MYH9: variants seen among roughly 807,000 people sequenced by gnomAD.
The protein encoded by MYH9 is myosin heavy chain 9, also known as myosin-9.
Under a neutral mutation model 241.9 loss-of-function variants are expected in MYH9, and 29 were observed. The observed-to-expected ratio is 0.12, with a 90% CI of 0.09 to 0.16. MYH9 has a LOEUF of 0.16. Ranked by LOEUF, MYH9 falls within the 10% of genes least tolerant of loss-of-function variation. The pLI, the probability that MYH9 is intolerant of heterozygous loss-of-function variation, is 1.00. For missense variants in MYH9, 1,803 were observed against 2,595.5 expected (o/e 0.69, Z 6.63); for synonymous variants, 1,047 against 1,062.6 (o/e 0.99, Z 0.29).
In MYH9 at chr22:36,352,354, G is replaced by A. The variant is rs145409763; in HGVS notation, c.-19-3099C>T. 5.8e-4 allele frequency among the ~76,000 whole-genome samples: 89 copies of A among 152,314 alleles called. No homozygotes were observed. The East Asian group carries it at 9.3e-3, about 16-fold the overall frequency. ...AACTCAAGATTTACTCCCTCGGCCCGCTACTGTCGGCGCAAGCTTGCAGCC... is the reference window on the plus strand; with the variant it reads ...AACTCAAGATTTACTCCCTCGGCCCACTACTGTCGGCGCAAGCTTGCAGCC... On this transcript the variant is annotated intron_variant, in intron 1 of 40. Transcript: ENST00000216181.
At position 36,300,271 on chromosome 22, in the gene MYH9, G is replaced by C; in HGVS notation, c.2839-7C>G. ...CCAGCTGCTCCTCAAGCTCCTGCCG[G>C]GGGCCAGAGACACGGTAAGGACAGC... On this transcript the variant is annotated splice_polypyrimidine_tract_variant and splice_region_variant and intron_variant, in intron 22 of 40. Transcript: ENST00000216181. This position sits in a 1 kb window ranked among gnomAD's most constrained non-coding sequence, Gnocchi z 5.0. 6.2e-7 allele frequency: 1 copy of C among 1,612,472 alleles called. No individual in the cohort carries two copies. Among genetic ancestry groups the C allele is most frequent in the Non-Finnish European group, 8.5e-7 (1 of 1,180,046 alleles).
rs76895041 is a variant in MYH9, at chr22:36,320,502, G to A, written c.869-139C>T. On this transcript the variant is annotated intron_variant, in intron 8 of 40. Coordinates refer to ENST00000216181, the MANE Select transcript of MYH9 (RefSeq NM_002473.6). The surrounding 1 kb of genome is among the most constrained non-coding windows in gnomAD (Gnocchi z 4.8). Reference sequence around the variant, plus strand: ...CCCTGGAAACCGCAGAGTAGCCAGTGACGTTCAGCTTTCCTCAGTGTCTGA... The same window carrying A: ...CCCTGGAAACCGCAGAGTAGCCAGTAACGTTCAGCTTTCCTCAGTGTCTGA... 2.6e-3 allele frequency: 2,869 copies of A among 1,122,048 alleles called. 11 individuals are homozygous for A. The highest frequency in any genetic ancestry group is 3.6e-3 in the Middle Eastern group (13 of 3,570). The allele number at this position is 1,122,048 out of a possible 1,614,324, so 69.5% of individuals were successfully genotyped here.
At position 36,281,636 on chromosome 22, in the gene MYH9, GAGAA is replaced by G. The variant is rs2016490295; in HGVS notation, c.*1028_*1031del. 1 of 230,740 alleles carries G rather than the reference GAGAA, an allele frequency of 4.3e-6. No individual in the cohort carries two copies. The highest frequency in any genetic ancestry group is 8.6e-6 in the Non-Finnish European group (1 of 116,208). The allele number at this position is 230,740 out of a possible 1,614,324, so 14.3% of individuals were successfully genotyped here. A position where few individuals can be genotyped will look rare whatever the true frequency, so the allele number is the denominator to read the frequency against. On this transcript the variant is annotated 3_prime_UTR_variant, in exon 41 of 41. Transcript: ENST00000216181. ...CTACTCTCTTCTAAACAAAGGCAGT[GAGAA>G]AGACTCGGAATTTTATCATTTATTA...
In MYH9 at chr22:36,300,503, C is replaced by T. The variant is rs1019853809; in HGVS notation, c.2839-239G>A. Among the ~76,000 whole-genome samples the T allele has an allele frequency of 2.0e-5, 3 of 152,240 alleles. No homozygotes were observed. The highest frequency in any genetic ancestry group is 4.8e-5 in the African/African-American group (2 of 41,470). On this transcript the variant is annotated intron_variant, in intron 22 of 40. Coordinates refer to ENST00000216181, the MANE Select transcript of MYH9 (RefSeq NM_002473.6). This position sits in a 1 kb window ranked among gnomAD's most constrained non-coding sequence, Gnocchi z 5.0. ...AAACTGGGACACAGGGCCAGAACATCGGTGCAATGTTCTGAAGGGTTTCCT... is the reference window on the plus strand; with the variant it reads ...AAACTGGGACACAGGGCCAGAACATTGGTGCAATGTTCTGAAGGGTTTCCT...
Position 36,285,447 on chromosome 22 carries a change from G to C in MYH9, c.5275-118C>G. On this transcript the variant is annotated intron_variant, in intron 37 of 40. Coordinates refer to ENST00000216181, the MANE Select transcript of MYH9 (RefSeq NM_002473.6). This position sits in a 1 kb window ranked among gnomAD's most constrained non-coding sequence, Gnocchi z 7.0. Reference sequence around the variant, plus strand: ...CAAACCCTTGGGGTCCAGAGTCTTGGGTCTCCCAGAAAAGGGAAGATTAGA... The same window carrying C: ...CAAACCCTTGGGGTCCAGAGTCTTGCGTCTCCCAGAAAAGGGAAGATTAGA... 4 of 1,340,260 alleles carry C rather than the reference G, an allele frequency of 3.0e-6. No homozygotes were observed. In the South Asian group the frequency reaches 4.7e-5, roughly 16 times the overall value. 83.0% of individuals were successfully genotyped at this position (1,340,260 alleles called of 1,614,324 possible).
chr22:36,331,381 T>C (rs1267450479), intron 3 of MYH9, among the ~76,000 whole-genome samples: 1 of 152,182 alleles, frequency 6.6e-6, no homozygotes, highest in Non-Finnish European at 1.5e-5. Context: ...ATTTTCTCCC[T>C]GGATTTCATT....
chr22:36,331,164 G>A (rs774804579), intron 3 of MYH9, among the ~76,000 whole-genome samples: 14 of 152,098 alleles, frequency 9.2e-5, no homozygotes, highest in African/African-American at 2.7e-4. Context: ...TCTTCCCCAC[G>A]CAATGCCTGG....
At chr22:36,287,443 C>A (rs1373580178) in intron 34 of MYH9, among the ~76,000 whole-genome samples, 1 of 151,796 alleles carries the variant, frequency 6.6e-6, no homozygotes. Flanking sequence ...TTTTTTTTTA[C>A]ACTTAACATT....
At chr22:36,290,218 T>C (rs1468481860) in intron 31 of MYH9, among the ~76,000 whole-genome samples, 1 of 151,080 alleles carries the variant, frequency 6.6e-6, no homozygotes, top group African/African-American at 2.4e-5. Flanking sequence ...AAAAATTAGC[T>C]GGGTGTGGTG....
chr22:36,334,017 G>A (rs1042848864), intron 3 of MYH9, among the ~76,000 whole-genome samples: 1 of 151,984 alleles, frequency 6.6e-6, no homozygotes, highest in Non-Finnish European at 1.5e-5. Flanking sequence ...CAGGTTCTAA[G>A]AGGCCACTTC....
chr22:36,285,201 G>C lies in MYH9; in HGVS notation c.5403C>G (p.Val1801=). 1 of 1,614,222 alleles carries C rather than the reference G, an allele frequency of 6.2e-7. No individual in the cohort carries two copies. Among genetic ancestry groups the C allele is most frequent in the Non-Finnish European group, 8.5e-7 (1 of 1,180,040 alleles). ...KVKLQEMEGT[V]KSKYKASITA... ...TGATGGAGGCCTTGTACTTGGACTTGACAGTGCCCTCCATCTCCTGCAGCT... is the reference window on the plus strand; with the variant it reads ...TGATGGAGGCCTTGTACTTGGACTTCACAGTGCCCTCCATCTCCTGCAGCT... Residue 1801 remains valine (V), a synonymous_variant, in exon 38 of 41, where the codon GTC becomes GTG. Transcript: ENST00000216181. The surrounding 1 kb of genome is among the most constrained non-coding windows in gnomAD (Gnocchi z 7.0).
chr22:36,282,313 T>A lies in MYH9; in HGVS notation c.*355A>T. The A allele has an allele frequency of 2.3e-6, 1 of 434,034 alleles. No individual in the cohort carries two copies. The highest frequency in any genetic ancestry group is 4.2e-6 in the Non-Finnish European group (1 of 236,646). The allele number at this position is 434,034 out of a possible 1,614,324, so 26.9% of individuals were successfully genotyped here. The stretch of plus-strand genomic sequence containing the variant: ...AGGCCTCAGTCTGAAGAAAAATAGA[T>A]TCATAGAAAACTCTGGCCCCTCCCC... On this transcript the variant is annotated 3_prime_UTR_variant, in exon 41 of 41. Coordinates refer to ENST00000216181, the MANE Select transcript of MYH9 (RefSeq NM_002473.6).
intron 1 of MYH9, among the ~76,000 whole-genome samples, chr22:36,358,569 A>G (rs1406128241): frequency 1.3e-5 from 2 of 151,704 alleles, no homozygotes; most frequent in Non-Finnish European, 2.9e-5. Flanking sequence ...CTCCCCCACC[A>G]TCTCTCCCCA....
At chr22:36,327,606 TG>T in intron 3 of MYH9, 118 bp from the exon 4 acceptor site, 1 of 1,227,866 alleles carries the variant, frequency 8.1e-7, no homozygotes, top group Admixed American at 1.8e-5. Context: ...GCTGTCTTTG[TG>T]GGGATCTCGC....
intron 6 of MYH9, 66 bp from the exon 7 acceptor site, chr22:36,321,887 G>T: frequency 7.2e-7 from 1 of 1,385,166 alleles, no homozygotes; most frequent in Non-Finnish European, 1.0e-6. Flanking sequence ...GAGCACGGGG[G>T]AGACCACAGC....
intron 1 of MYH9, among the ~76,000 whole-genome samples, chr22:36,384,807 A>G (rs909293359): frequency 1.3e-5 from 2 of 151,522 alleles, no homozygotes; most frequent in African/African-American, 4.9e-5. Context: ...ATTAAGTAGC[A>G]TGGTCAGGAT....
intron 2 of MYH9, among the ~76,000 whole-genome samples, chr22:36,345,006 G>C (rs775623407): frequency 8.9e-4 from 135 of 152,328 alleles, no homozygotes; most frequent in Non-Finnish European, 1.5e-3. Flanking sequence ...GGTGCTGGCT[G>C]GGTACTTTAG....
intron 3 of MYH9, among the ~76,000 whole-genome samples, chr22:36,340,210 TG>T (rs1367670052): frequency 6.7e-6 from 1 of 150,298 alleles, no homozygotes; most frequent in Non-Finnish European, 1.5e-5. Flanking sequence ...TTACTTTTAA[TG>T]GCAAAGACCG....
At chr22:36,303,165 T>G (rs1405439573) in intron 19 of MYH9, among the ~76,000 whole-genome samples, 2 of 150,658 alleles carry the variant, frequency 1.3e-5, no homozygotes, top group African/African-American at 4.9e-5. Flanking sequence ...AGCCTCCATC[T>G]GTGCAAATGC....
Sources: allele counts gnomAD v4.1 joint callset (sites outside exome capture counted in the v4.1 genomes callset), GRCh38; gene constraint gnomAD v4.1.1; non-coding constraint Gnocchi (gnomAD v3.1); transcripts MANE v1.5; gene names NCBI Gene and HGNC (gene_info 2026-07-23, HGNC 2026-07-21).